ARHGAP8: variants seen among roughly 807,000 people sequenced by gnomAD.
ARHGAP8 encodes rho GTPase-activating protein 8.
A neutral mutation model predicts 46.1 loss-of-function variants in ARHGAP8; 62 were observed. That is an observed-to-expected ratio of 1.34 (90% CI 1.10 to 1.66). The LOEUF is 1.66. ARHGAP8 is among the 40% of genes most tolerant of loss of function. The pLI is 0.00. For synonymous variants in ARHGAP8, 375 were observed against 243.1 expected (o/e 1.54, Z -5.05); for missense variants, 923 against 568.4 (o/e 1.62, Z -6.34).
At chr22:44,777,803 C>T (rs1331257363) in intron 1 of ARHGAP8, among the ~76,000 whole-genome samples, 1 of 152,146 alleles carries the variant, frequency 6.6e-6, no homozygotes, top group African/African-American at 2.4e-5. Context: ...TCAAGCGGTT[C>T]TCCTGCCTGA....
rs1346303144 is a variant in ARHGAP8 at position 44,763,797 on chromosome 22, C to CTT, written c.-72+11173_-72+11174dup. On this transcript the variant is annotated intron_variant, in intron 1 of 11. Coordinates refer to ENST00000356099, the MANE Select transcript of ARHGAP8 (RefSeq NM_181335.3). ...TATTGGTGAGAATGATTTTCTTTTT[C>CTT]TTTTCTTTTTTTTTTTTTTTTGAGA... Among the ~76,000 whole-genome samples, 5 of 117,220 alleles carry CTT rather than the reference C, an allele frequency of 4.3e-5. 1 individual carries two copies. Among genetic ancestry groups the CTT allele is most frequent in the Non-Finnish European group, 5.5e-5 (3 of 54,942 alleles). 76.9% of individuals were successfully genotyped at this position (117,220 alleles called of 152,430 possible).
At chr22:44,786,195 CGTATAGTGGGTGCTCGACTGATGTAGAGT>C in intron 1 of ARHGAP8, 1 of 573,928 alleles carries the variant, frequency 1.7e-6, no homozygotes. Context: ...TGAGGTAGGG[CGTATAGTGGGTGCTCGACTGATGTAGAGT>C]GTATAATGGG....
At chr22:44,857,508 ACGAAGGC>A (rs1358726980) in intron 10 of ARHGAP8, among the ~76,000 whole-genome samples, 2 of 152,184 alleles carry the variant, frequency 1.3e-5, no homozygotes, top group African/African-American at 4.8e-5. Context: ...TCGTAAGGAA[ACGAAGGC>A]CCAGAGATCC....
intron 2 of ARHGAP8, among the ~76,000 whole-genome samples, chr22:44,792,094 C>T (rs1451249000): frequency 6.6e-6 from 1 of 151,736 alleles, no homozygotes; most frequent in Non-Finnish European, 1.5e-5. Flanking sequence ...CTCACTGCAA[C>T]CTCCACCTCC....
intron 2 of ARHGAP8, among the ~76,000 whole-genome samples, chr22:44,794,871 A>G (rs1927961993): frequency 6.6e-6 from 1 of 151,906 alleles, no homozygotes; most frequent in Non-Finnish European, 1.5e-5. Flanking sequence ...ACTTGGAAGG[A>G]CATTTAGAAA....
intron 11 of ARHGAP8, among the ~76,000 whole-genome samples, chr22:44,860,898 C>A (rs140073524): frequency 6.6e-6 from 1 of 152,246 alleles, no homozygotes; most frequent in Non-Finnish European, 1.5e-5. Flanking sequence ...GTAGGCGTCA[C>A]ATCCCAGAGT....
At chr22:44,753,138 G>C (rs749312604) in intron 1 of ARHGAP8, among the ~76,000 whole-genome samples, 3 of 152,132 alleles carry the variant, frequency 2.0e-5, no homozygotes, top group African/African-American at 4.8e-5. Flanking sequence ...GGCCGGGGCA[G>C]GTGCTGCGCT....
Position 44,836,858 on chromosome 22 carries a change from T to C in ARHGAP8, c.597-8411T>C, listed in dbSNP as rs980175496. Among the ~76,000 whole-genome samples, 4 of 151,908 alleles carry C rather than the reference T, an allele frequency of 2.6e-5. 1 individual carries two copies. Among genetic ancestry groups the C allele is most frequent in the South Asian group, 4.2e-4 (2 of 4,774 alleles). On this transcript the variant is annotated intron_variant, in intron 7 of 11. Coordinates refer to ENST00000356099, the MANE Select transcript of ARHGAP8 (RefSeq NM_181335.3). ...CCATTCCTCCCTCCCCCTTCCCTCC[T>C]GTTTCTTTCTTTCTTGTTTTGTTTT...
chr22:44,766,220 C>A (rs1486486541), intron 1 of ARHGAP8: 1 of 152,860 alleles, frequency 6.5e-6, no homozygotes, highest in East Asian at 1.9e-4. Context: ...GACCAAAGCC[C>A]GGGGAGGCTG....
At chr22:44,754,338 T>TTGTGTGTGTGTG (rs35257490) in intron 1 of ARHGAP8, among the ~76,000 whole-genome samples, 1,825 of 146,562 alleles carry the variant, frequency 0.012, 34 homozygotes, top group African/African-American at 0.042. Flanking sequence ...CATTGAAACT[T>TTGTGTGTGTGTG]TGTGTGTGTG....
chr22:44,806,503 CCTTA>C (rs1928930034), intron 3 of ARHGAP8, among the ~76,000 whole-genome samples: 1 of 152,110 alleles, frequency 6.6e-6, no homozygotes, highest in Non-Finnish European at 1.5e-5. Flanking sequence ...CAGCTCTGCC[CCTTA>C]CTGATTCACC....
intron 11 of ARHGAP8, among the ~76,000 whole-genome samples, chr22:44,860,886 G>GA (rs1369484011): frequency 6.6e-6 from 1 of 152,198 alleles, no homozygotes; most frequent in Non-Finnish European, 1.5e-5. Flanking sequence ...AGCCTGAGCA[G>GA]AGTAGGCGTC....
rs765143772 is a variant in ARHGAP8 at position 44,825,597 on chromosome 22, A to T, written c.596+4A>T. 1 of 1,610,782 alleles carries T rather than the reference A, an allele frequency of 6.2e-7. No individual in the cohort carries two copies. Among genetic ancestry groups the T allele is most frequent in the Admixed American group, 1.7e-5 (1 of 59,792 alleles). On this transcript the variant is annotated splice_donor_region_variant and intron_variant, in intron 7 of 11. Transcript: ENST00000356099. ...AGTTTGGCGTCAGTCTGCAATAGTA[A>T]GTGAGCCGGGGATGTGCCTGCTCCT...
intron 7 of ARHGAP8, among the ~76,000 whole-genome samples, chr22:44,841,492 C>G (rs1459322262): frequency 1.3e-5 from 2 of 152,162 alleles, no homozygotes; most frequent in African/African-American, 4.8e-5. Context: ...TGGCCAAATC[C>G]AACTTCCTTT....
At chr22:44,756,686 C>T (rs1924709745) in intron 1 of ARHGAP8, among the ~76,000 whole-genome samples, 1 of 150,726 alleles carries the variant, frequency 6.6e-6, no homozygotes, top group Non-Finnish European at 1.5e-5. Context: ...TAGAGTAGCT[C>T]CCAGACCTCA....
At chr22:44,825,385 C>A in intron 6 of ARHGAP8, 98 bp from the exon 7 acceptor site, 2 of 1,317,988 alleles carry the variant, frequency 1.5e-6, no homozygotes, top group South Asian at 1.4e-5. Context: ...ATGAGATGCC[C>A]AGGTGTCCTG....
chr22:44,835,163 C>A (rs980071419), intron 7 of ARHGAP8, among the ~76,000 whole-genome samples: 2 of 151,588 alleles, frequency 1.3e-5, no homozygotes, highest in African/African-American at 4.8e-5. Context: ...TTTATGTCTT[C>A]ATTAATACCT....
At chr22:44,858,361 T>C (rs964445690) in intron 10 of ARHGAP8, among the ~76,000 whole-genome samples, 2 of 123,668 alleles carry the variant, frequency 1.6e-5, no homozygotes, top group Non-Finnish European at 3.3e-5. Context: ...ACTTGTTGGT[T>C]GGTGGTGGTT....
Position 44,768,559 on chromosome 22 carries a change from A to G in ARHGAP8, c.-72+15932A>G, listed in dbSNP as rs1051213253. Among the ~76,000 whole-genome samples the G allele has an allele frequency of 1.3e-3, 201 of 151,780 alleles. 3 individuals are homozygous for G. The highest frequency in any genetic ancestry group is 4.3e-4 in the Non-Finnish European group (29 of 67,942). On this transcript the variant is annotated intron_variant, in intron 1 of 11. Transcript: ENST00000356099. ...TGGGGTCCAGCACTTCTCCCGCCTCAGCCTCCCAAAGCACTGGGATTTTGG... is the reference window on the plus strand; with the variant it reads ...TGGGGTCCAGCACTTCTCCCGCCTCGGCCTCCCAAAGCACTGGGATTTTGG...
Sources: allele counts gnomAD v4.1 joint callset (sites outside exome capture counted in the v4.1 genomes callset), GRCh38; gene constraint gnomAD v4.1.1; transcripts MANE v1.5; gene names NCBI Gene and HGNC (gene_info 2026-07-23, HGNC 2026-07-21).